Variants in WDFY3 observed in about 807,000 individuals in gnomAD.
The protein encoded by WDFY3 is WD repeat and FYVE domain-containing protein 3.
In WDFY3, 66 loss-of-function variants were observed where a neutral mutation model predicts 409.6. That is an observed-to-expected ratio of 0.16 (90% CI 0.13 to 0.20). The LOEUF (loss-of-function observed/expected upper bound fraction) is 0.20. Among genes scored for constraint, WDFY3 ranks in the 10% least tolerant of loss-of-function variants. WDFY3 has a pLI of 1.00. For missense variants in WDFY3, 3,031 were observed against 4,298.1 expected (o/e 0.71, Z 8.24); for synonymous variants, 1,521 against 1,537.1 (o/e 0.99, Z 0.25).
intron 15 of WDFY3, chr4:84,804,238 TG>T (rs1463946487): frequency 6.6e-6 from 1 of 152,232 alleles, no homozygotes; most frequent in African/African-American, 2.4e-5. Context: ...TTTTGCATCT[TG>T]GCACTAAGAA....
chr4:84,794,216 C>A (rs1214206365), intron 21 of WDFY3, among the ~76,000 whole-genome samples: 1 of 152,132 alleles, frequency 6.6e-6, no homozygotes, highest in Non-Finnish European at 1.5e-5. Context: ...GAATTCACAG[C>A]CAATGATAAT....
At chr4:84,717,905 T>C (rs535599475) in intron 48 of WDFY3, among the ~76,000 whole-genome samples, 2 of 151,506 alleles carry the variant, frequency 1.3e-5, no homozygotes, top group South Asian at 4.2e-4. Context: ...AAAATTAGCC[T>C]GGCGTGGTGG....
chr4:84,803,493 G>C, intron 15 of WDFY3, 26 bp from the exon 16 acceptor site: 2 of 1,581,496 alleles, frequency 1.3e-6, no homozygotes, highest in Non-Finnish European at 8.6e-7. Context: ...GAGTAAATTT[G>C]GTATTGAATT....
chr4:84,776,175 A>C (rs1414052888), intron 27 of WDFY3, among the ~76,000 whole-genome samples: 1 of 152,052 alleles, frequency 6.6e-6, no homozygotes, highest in African/African-American at 2.4e-5. Flanking sequence ...AAATGGGAGA[A>C]ATGAAAGTCT....
At chr4:84,935,619 A>T (rs1424927672) in intron 1 of WDFY3, among the ~76,000 whole-genome samples, 1 of 152,150 alleles carries the variant, frequency 6.6e-6, no homozygotes, top group Non-Finnish European at 1.5e-5. Context: ...TGGTTTTACC[A>T]GTCTTGACCA....
At chr4:84,712,608 C>T (rs1172988401) in intron 51 of WDFY3, among the ~76,000 whole-genome samples, 1 of 151,564 alleles carries the variant, frequency 6.6e-6, no homozygotes, top group Non-Finnish European at 1.5e-5. Context: ...ATTATCCCAG[C>T]TACTCGGGAG....
intron 8 of WDFY3, 97 bp from the exon 9 acceptor site, chr4:84,829,287 T>C: frequency 9.9e-7 from 1 of 1,009,512 alleles, no homozygotes. Flanking sequence ...CATTAAATTT[T>C]AACATATCTG....
chr4:84,780,195 C>A lies in WDFY3; in HGVS notation c.4278G>T (p.Gly1426=). Residue 1426 remains glycine, a synonymous_variant, in exon 26 of 68, where the codon GGG becomes GGT. Transcript: ENST00000295888. Reference sequence around the variant, plus strand: ...CCAGGGCCTTGACTGCTGCATATAACCCTTCCACATCAGAGGCCATGGCCA... The same window carrying A: ...CCAGGGCCTTGACTGCTGCATATAAACCTTCCACATCAGAGGCCATGGCCA... ...GLVAMASDVE[G]LYAAVKALVC... The A allele has an allele frequency of 1.9e-6, 3 of 1,613,922 alleles. No individual in the cohort carries two copies. The highest frequency in any genetic ancestry group is 2.5e-6 in the Non-Finnish European group (3 of 1,179,916).
chr4:84,775,141 A>G lies in WDFY3; in HGVS notation c.4519-3T>C, dbSNP rs562547093. ...TCATATGGTGCATGGAGCCAGACCT[A>G]TAATAAATAAAAACAGTAGTATATT... is the stretch of plus-strand genomic sequence containing the variant. On this transcript the variant is annotated splice_region_variant and splice_polypyrimidine_tract_variant and intron_variant, in intron 27 of 67. Transcript: ENST00000295888. The G allele has an allele frequency of 5.3e-5, 85 of 1,611,672 alleles. 2 individuals are homozygous for G. In the South Asian group the frequency reaches 7.8e-4, roughly 15 times the overall value.
At chr4:84,717,746 G>T (rs942838271) in intron 48 of WDFY3, among the ~76,000 whole-genome samples, 2 of 152,136 alleles carry the variant, frequency 1.3e-5, no homozygotes, top group Admixed American at 6.5e-5. Flanking sequence ...GGTGCTCCGA[G>T]TACCTGATGA....
At chr4:84,736,648 C>T (rs936556770) in intron 41 of WDFY3, among the ~76,000 whole-genome samples, 1 of 152,016 alleles carries the variant, frequency 6.6e-6, no homozygotes, top group Non-Finnish European at 1.5e-5. Flanking sequence ...GTATACTTCG[C>T]AACTTAGAAA....
chr4:84,751,467 GTTTC>G lies in WDFY3; in HGVS notation c.5973+12_5973+15del, dbSNP rs1305475806. 1.2e-6 allele frequency: 2 copies of G among 1,610,600 alleles called. No individual in the cohort carries two copies. The highest frequency in any genetic ancestry group is 1.7e-6 in the Non-Finnish European group (2 of 1,176,888). ...AGTAATGCAAAAGAGATGTAAATGC[GTTTC>G]TTTTTCTTTACCTCCAACAAAAGAT... On this transcript the variant is annotated intron_variant, in intron 36 of 67. Coordinates refer to ENST00000295888, the MANE Select transcript of WDFY3 (RefSeq NM_014991.6).
chr4:84,841,920 G>T (rs1757409322), intron 5 of WDFY3, among the ~76,000 whole-genome samples: 1 of 152,140 alleles, frequency 6.6e-6, no homozygotes, highest in South Asian at 2.1e-4. Context: ...AGAATGGTGA[G>T]AGGGAAATAA....
intron 56 of WDFY3, 77 bp downstream of exon 56, chr4:84,702,276 A>T: frequency 7.0e-7 from 1 of 1,437,862 alleles, no homozygotes; most frequent in East Asian, 2.4e-5. Context: ...GCTGCAGACA[A>T]TCTTCAGAGA....
At chr4:84,893,629 A>G (rs1765218673) in intron 3 of WDFY3, among the ~76,000 whole-genome samples, 1 of 152,208 alleles carries the variant, frequency 6.6e-6, no homozygotes, top group Non-Finnish European at 1.5e-5. Context: ...TTCAATATCT[A>G]GATTTTCCTA....
intron 1 of WDFY3, among the ~76,000 whole-genome samples, chr4:84,939,033 T>C (rs1579211127): frequency 6.6e-6 from 1 of 152,190 alleles, no homozygotes; most frequent in African/African-American, 2.4e-5. Flanking sequence ...ACATCCTGCA[T>C]GGTATATTTT....
At position 84,787,428 on chromosome 4, in the gene WDFY3, T is replaced by C. The variant is rs1747753411; in HGVS notation, c.3901+54A>G. 3.9e-6 allele frequency: 6 copies of C among 1,530,580 alleles called. No individual in the cohort carries two copies. In the South Asian group the frequency reaches 5.9e-5, roughly 15 times the overall value. 94.8% of individuals were successfully genotyped at this position (1,530,580 alleles called of 1,614,324 possible). On this transcript the variant is annotated intron_variant, in intron 23 of 67. Coordinates refer to ENST00000295888, the MANE Select transcript of WDFY3 (RefSeq NM_014991.6). ...AACCTCAGACACACACATGCATCTATATTGCAGGAGTTAAGTTTCATACAA... is the reference window on the plus strand; with the variant it reads ...AACCTCAGACACACACATGCATCTACATTGCAGGAGTTAAGTTTCATACAA...
At chr4:84,865,756 G>C (rs188276823) in intron 3 of WDFY3, among the ~76,000 whole-genome samples, 173 of 152,218 alleles carry the variant, frequency 1.1e-3, no homozygotes, top group Admixed American at 2.5e-3. Flanking sequence ...CTTGAATAAA[G>C]TCTGACACGT....
chr4:84,927,820 C>T (rs1770204135), intron 2 of WDFY3, among the ~76,000 whole-genome samples: 1 of 152,238 alleles, frequency 6.6e-6, no homozygotes, highest in South Asian at 2.1e-4. Flanking sequence ...AAGCTCTTTT[C>T]TTTATAAATT....
Sources: gnomAD v4.1 joint callset for allele counts (sites outside exome capture counted in the v4.1 genomes callset) on GRCh38, gnomAD v4.1.1 for gene constraint, MANE v1.5 for transcripts, NCBI Gene and HGNC (gene_info 2026-07-23, HGNC 2026-07-21) for gene names.